DAB2IP: variants seen among roughly 807,000 people sequenced by gnomAD.
DAB2IP encodes the protein DAB2 interacting protein.
A neutral mutation model predicts 107.2 loss-of-function variants in DAB2IP; 28 were observed. That is an observed-to-expected ratio of 0.26 (90% CI 0.19 to 0.36). DAB2IP has a LOEUF of 0.36. Among genes scored for constraint, DAB2IP ranks in the 10% least tolerant of loss-of-function variants. DAB2IP has a pLI of 1.00. For synonymous variants in DAB2IP, 755 were observed against 706.4 expected (o/e 1.07, Z -1.09); for missense variants, 1,400 against 1,644.7 (o/e 0.85, Z 2.57).
At chr9:121,713,504 C>T (rs1007390954) in intron 3 of DAB2IP, among the ~76,000 whole-genome samples, 1 of 152,224 alleles carries the variant, frequency 6.6e-6, no homozygotes, top group African/African-American at 2.4e-5. Flanking sequence ...CCTTTTCCTT[C>T]TCCTGCCCTC....
chr9:121,617,678 C>T (rs1831325413), intron 1 of DAB2IP, among the ~76,000 whole-genome samples: 1 of 152,252 alleles, frequency 6.6e-6, no homozygotes, highest in African/African-American at 2.4e-5. Context: ...CCTGGTGTTA[C>T]TTGGCATTTT....
intron 8 of DAB2IP, 42 bp from the exon 9 acceptor site, chr9:121,766,452 C>G (rs550027081): frequency 1.7e-5 from 26 of 1,574,842 alleles, no homozygotes; most frequent in Non-Finnish European, 2.2e-5. Flanking sequence ...GTCCTGGGCC[C>G]CTGCCTGACA....
intron 1 of DAB2IP, among the ~76,000 whole-genome samples, chr9:121,665,696 C>T (rs990566107): frequency 3.9e-5 from 6 of 152,176 alleles, no homozygotes; most frequent in East Asian, 1.9e-4. Context: ...CAAGCTCTAT[C>T]GCATATGTCT....
chr9:121,757,040 G>T lies in DAB2IP; in HGVS notation c.390G>T (p.Glu130Asp), dbSNP rs751974334. 7 of 1,614,204 alleles carry T rather than the reference G, an allele frequency of 4.3e-6. No individual in the cohort carries two copies. The East Asian group carries it at 8.9e-5, about 21-fold the overall frequency. ...CCCATCTGATGCCGAGGCTGAAGGA[G>T]TCTCGCTCCCACGAGTCCCTGCTCA... The change falls in exon 4 of 16, where the codon GAG becomes GAT. Residue 130 changes from glutamate (E) to aspartate (D), a missense_variant. Around this residue, in one of 3 missense-constraint regions of DAB2IP, gnomAD observed 283 missense variants for 237.0 expected, o/e 1.19. Transcript: ENST00000408936.
chr9:121,756,820 G>C (rs759396322), intron 3 of DAB2IP, among the ~76,000 whole-genome samples, 193 bp from the exon 4 acceptor site: 1 of 152,196 alleles, frequency 6.6e-6, no homozygotes, highest in Non-Finnish European at 1.5e-5. Context: ...CCAGACTCTT[G>C]CAGTCGGGAG....
In DAB2IP at chr9:121,651,723, T is replaced by C. The variant is rs1386103886; in HGVS notation, c.-53T>C. 3.6e-5 allele frequency: 43 copies of C among 1,192,458 alleles called. No homozygotes were observed. Among genetic ancestry groups the C allele is most frequent in the Non-Finnish European group, 4.3e-5 (41 of 962,548 alleles). The allele number at this position is 1,192,458 out of a possible 1,614,324, so 73.9% of individuals were successfully genotyped here. A position where few individuals can be genotyped will look rare whatever the true frequency, so the allele number is the denominator to read the frequency against. On this transcript the variant is annotated 5_prime_UTR_variant, in exon 1 of 16. An upstream start codon of the reference 5' UTR is lost. Coordinates refer to ENST00000408936, the Ensembl canonical transcript of DAB2IP. This position sits in a 1 kb window ranked among gnomAD's most constrained non-coding sequence, Gnocchi z 5.1. ...CCGCCGGGCTGTCCGGAGCGGCCGA[T>C]GGGGCCCGTGTGAGCGCGCCCAGGC...
At chr9:121,746,547 A>T (rs1351492952) in intron 3 of DAB2IP, among the ~76,000 whole-genome samples, 1 of 152,088 alleles carries the variant, frequency 6.6e-6, no homozygotes, top group Non-Finnish European at 1.5e-5. Context: ...CCATCCCTAG[A>T]TCACCCCAAC....
intron 2 of DAB2IP, among the ~76,000 whole-genome samples, chr9:121,679,630 A>G (rs548280435): frequency 6.6e-6 from 1 of 152,016 alleles, no homozygotes; most frequent in African/African-American, 2.4e-5. Context: ...TCATTCACTC[A>G]TCAGTTATTC....
intron 1 of DAB2IP, among the ~76,000 whole-genome samples, chr9:121,579,046 T>C (rs756529877): frequency 3.3e-5 from 5 of 152,106 alleles, no homozygotes; most frequent in Non-Finnish European, 7.4e-5. Flanking sequence ...GGTGAGGCTC[T>C]GGTTGGGGGT....
At chr9:121,643,447 T>A (rs62572786) in intron 1 of DAB2IP, among the ~76,000 whole-genome samples, 46,858 of 151,686 alleles carry the variant, frequency 0.31, 7,836 homozygotes, top group South Asian at 0.48. Flanking sequence ...CCCAACTTGG[T>A]TCTATCTCCC....
chr9:121,651,195 T>C (rs959732078), upstream of DAB2IP, among the ~76,000 whole-genome samples: 3 of 152,202 alleles, frequency 2.0e-5, no homozygotes, highest in Non-Finnish European at 4.4e-5. The surrounding 1 kb of genome is among the most constrained non-coding windows in gnomAD (Gnocchi z 5.1). Context: ...GTATCCTGCA[T>C]CACAGGGGAG....
rs1025008250 is a variant in DAB2IP, at chr9:121,646,247, G to A, written c.41-32431G>A. ...TGGCTTTTGGGAGGAAGTCTGGGGG[G>A]CGGTGGCAGTGGTGGTCGCCTGGCT... On this transcript the variant is annotated intron_variant, in intron 1 of 16. Transcript: ENST00000259371. Among the ~76,000 whole-genome samples, 22 of 152,124 alleles carry A rather than the reference G, an allele frequency of 1.4e-4. 1 individual carries two copies. Among genetic ancestry groups the A allele is most frequent in the Admixed American group, 1.3e-3 (20 of 15,278 alleles).
At chr9:121,588,019 G>GGC (rs1830344312) in intron 1 of DAB2IP, among the ~76,000 whole-genome samples, 1 of 152,172 alleles carries the variant, frequency 6.6e-6, no homozygotes, top group South Asian at 2.1e-4. Flanking sequence ...TTCCCTTGTG[G>GGC]GCACACAGCC....
At chr9:121,637,480 G>T (rs926667709) in intron 1 of DAB2IP, among the ~76,000 whole-genome samples, 4 of 152,206 alleles carry the variant, frequency 2.6e-5, no homozygotes, top group Admixed American at 2.0e-4. Flanking sequence ...TGAGTCTGGT[G>T]GGGGAAGAAG....
chr9:121,707,178 C>T (rs1830098376), intron 3 of DAB2IP, among the ~76,000 whole-genome samples: 1 of 152,142 alleles, frequency 6.6e-6, no homozygotes, highest in African/African-American at 2.4e-5. Flanking sequence ...CACTTTGCGC[C>T]CTGTGCCAGA....
In DAB2IP at chr9:121,633,874, C is replaced by A. The variant is rs569470289; in HGVS notation, c.41-44804C>A. 2.0e-4 allele frequency among the ~76,000 whole-genome samples: 31 copies of A among 152,350 alleles called. No homozygotes were observed. The highest frequency in any genetic ancestry group is 7.5e-4 in the African/African-American group (31 of 41,584). On this transcript the variant is annotated intron_variant, in intron 1 of 16. Coordinates refer to the DAB2IP transcript ENST00000259371. The surrounding 1 kb of genome is among the most constrained non-coding windows in gnomAD (Gnocchi z 5.1). ...CTGCCATGGGTCTGGGGCTGCTGCT[C>A]TCTTCCTCAACACCCTCAGCCTCTT...
rs114503490 is a variant in DAB2IP, at chr9:121,704,669, C to T, written c.362+5211C>T. 9.2e-3 allele frequency among the ~76,000 whole-genome samples: 1,404 copies of T among 152,278 alleles called. 24 individuals are homozygous for T. The highest frequency in any genetic ancestry group is 0.031 in the African/African-American group (1,286 of 41,560). ...AGGAAGGCTCACCTGGCTGTCCTCT[C>T]CTCCTCCCCCTCCCTTCTTCTTTCC... is the stretch of plus-strand genomic sequence containing the variant. On this transcript the variant is annotated intron_variant, in intron 3 of 15. Coordinates refer to ENST00000408936, the Ensembl canonical transcript of DAB2IP.
chr9:121,676,553 C>G (rs987994123), intron 1 of DAB2IP, among the ~76,000 whole-genome samples: 3 of 152,296 alleles, frequency 2.0e-5, no homozygotes, highest in African/African-American at 7.2e-5. Context: ...CCAGGCACCC[C>G]CCACGCACCA....
chr9:121,620,783 C>G (rs1831434710), intron 1 of DAB2IP, among the ~76,000 whole-genome samples: 1 of 152,276 alleles, frequency 6.6e-6, no homozygotes, highest in African/African-American at 2.4e-5. Context: ...GGGTACCCTC[C>G]TCACCTACCA....
Sources: allele counts gnomAD v4.1 joint callset (sites outside exome capture counted in the v4.1 genomes callset), GRCh38; gene constraint gnomAD v4.1.1; regional missense constraint gnomAD v4.1.1; non-coding constraint Gnocchi (gnomAD v3.1); transcripts MANE v1.5; gene names NCBI Gene and HGNC (gene_info 2026-07-23, HGNC 2026-07-21).